KCNN2: variants seen among roughly 807,000 people sequenced by gnomAD.
KCNN2 encodes potassium calcium-activated channel subfamily N member 2, also known as small conductance calcium-activated potassium channel protein 2.
In KCNN2, 24 loss-of-function variants were observed where a neutral mutation model predicts 55.5. That is an observed-to-expected ratio of 0.43 (90% CI 0.31 to 0.61). The LOEUF is 0.61. Ranked by LOEUF, KCNN2 falls within the 20% of genes least tolerant of loss-of-function variation. The pLI, the probability that KCNN2 is intolerant of heterozygous loss-of-function variation, is 0.08. For synonymous variants in KCNN2, 431 were observed against 336.1 expected, an observed-to-expected ratio of 1.28 and a Z score of -3.09; for missense variants, 754 against 853.6, an observed-to-expected ratio of 0.88 and a Z score of 1.45.
intron 2 of KCNN2, among the ~76,000 whole-genome samples, chr5:114,291,203 T>A (rs1157496575): frequency 1.1e-4 from 8 of 70,860 alleles, no homozygotes; most frequent in Non-Finnish European, 2.6e-4. Context: ...TTTATTATTA[T>A]TATACTTTAA....
At chr5:114,265,483 A>C (rs1355550985) in intron 2 of KCNN2, among the ~76,000 whole-genome samples, 2 of 152,124 alleles carry the variant, frequency 1.3e-5, no homozygotes, top group Admixed American at 6.6e-5. Flanking sequence ...TTCCTATCTG[A>C]AAGGTGACAG....
At position 114,249,248 on chromosome 5, in the gene KCNN2, C is replaced by T. The variant is rs367584261; in HGVS notation, c.-185+27683C>T. On this transcript the variant is annotated intron_variant, in intron 2 of 10. Transcript: ENST00000512097. ...TGTGAAGAACGTAAACATGGTATCA[C>T]GAAAGTTCTCAGTATATTTCTTTTT... is the stretch of plus-strand genomic sequence containing the variant. 2.5e-4 allele frequency among the ~76,000 whole-genome samples: 37 copies of T among 150,730 alleles called. No homozygotes were observed. In the South Asian group the frequency reaches 5.9e-3, roughly 24 times the overall value.
chr5:114,079,109 C>A (rs1405006215), intron 1 of KCNN2, among the ~76,000 whole-genome samples: 1 of 151,998 alleles, frequency 6.6e-6, no homozygotes, highest in African/African-American at 2.4e-5. Context: ...TTTGTAAAAA[C>A]CTATACAGAG....
intron 2 of KCNN2, among the ~76,000 whole-genome samples, chr5:114,263,142 G>A (rs986892733): frequency 6.6e-6 from 1 of 152,046 alleles, no homozygotes; most frequent in Non-Finnish European, 1.5e-5. Flanking sequence ...TATGGCTCTT[G>A]GTGAGCATGT....
chr5:114,425,020 A>G (rs1192997308), intron 3 of KCNN2, among the ~76,000 whole-genome samples: 1 of 152,216 alleles, frequency 6.6e-6, no homozygotes, highest in Non-Finnish European at 1.5e-5. Context: ...GGCTCAAGTC[A>G]CAGAAAGGGA....
intron 2 of KCNN2, among the ~76,000 whole-genome samples, chr5:114,307,925 C>T (rs898387178): frequency 6.6e-6 from 1 of 151,984 alleles, no homozygotes; most frequent in African/African-American, 2.4e-5. Context: ...CAGCTTGATT[C>T]CTCCCCATAC....
chr5:114,315,224 A>G (rs778016083), intron 2 of KCNN2, among the ~76,000 whole-genome samples: 2 of 152,140 alleles, frequency 1.3e-5, no homozygotes, highest in African/African-American at 4.8e-5. Flanking sequence ...AAACTATTAT[A>G]CCTGGTGAAT....
chr5:114,390,633 A>G (rs1758424591), intron 2 of KCNN2, among the ~76,000 whole-genome samples: 1 of 152,158 alleles, frequency 6.6e-6, no homozygotes, highest in Non-Finnish European at 1.5e-5. Flanking sequence ...CTGCAGTTAC[A>G]GAGCTCATCA....
At chr5:114,468,485 A>G (rs1761557274) in intron 4 of KCNN2, among the ~76,000 whole-genome samples, 1 of 152,198 alleles carries the variant, frequency 6.6e-6, no homozygotes. Flanking sequence ...ATTTTTACAT[A>G]AAAGCGTGAT....
At chr5:114,186,304 A>G (rs769083102) in intron 1 of KCNN2, among the ~76,000 whole-genome samples, 87 of 152,190 alleles carry the variant, frequency 5.7e-4, no homozygotes, top group Non-Finnish European at 1.2e-4. Flanking sequence ...TTGTTGAATC[A>G]TATTTGAAAG....
chr5:114,080,806 A>G (rs1750797515), intron 1 of KCNN2, among the ~76,000 whole-genome samples: 1 of 152,156 alleles, frequency 6.6e-6, no homozygotes, highest in African/African-American at 2.4e-5. Context: ...CTTCTATTCA[A>G]CATAGTATTT....
At chr5:114,251,780 C>T (rs577332425) in intron 2 of KCNN2, among the ~76,000 whole-genome samples, 1 of 147,704 alleles carries the variant, frequency 6.8e-6, no homozygotes, top group African/African-American at 2.5e-5. Flanking sequence ...TCTTCTGGAC[C>T]CTGAGTATAT....
At chr5:114,491,779 G>A (rs1747870080) in intron 6 of KCNN2, among the ~76,000 whole-genome samples, 1 of 152,058 alleles carries the variant, frequency 6.6e-6, no homozygotes, top group Admixed American at 6.6e-5. Flanking sequence ...GAGTAAGGAT[G>A]GAATCCACTG....
intron 1 of KCNN2, among the ~76,000 whole-genome samples, chr5:114,215,567 A>G (rs1482182586): frequency 1.3e-5 from 2 of 152,068 alleles, no homozygotes; most frequent in African/African-American, 4.8e-5. Context: ...TCAGGGTAGA[A>G]CCCAAGACAT....
intron 2 of KCNN2, among the ~76,000 whole-genome samples, chr5:114,230,016 G>C (rs937246417): frequency 6.6e-6 from 1 of 152,062 alleles, no homozygotes; most frequent in Admixed American, 6.6e-5. Flanking sequence ...CTGTTAAAAC[G>C]AATAGACCTA....
chr5:114,208,530 C>G (rs992418671), intron 1 of KCNN2, among the ~76,000 whole-genome samples: 2 of 152,174 alleles, frequency 1.3e-5, no homozygotes, highest in African/African-American at 4.8e-5. Flanking sequence ...GTCTTTAGAA[C>G]AGTAGATCTC....
chr5:114,166,024 A>G (rs1203741927), intron 1 of KCNN2, among the ~76,000 whole-genome samples: 1 of 152,104 alleles, frequency 6.6e-6, no homozygotes, highest in African/African-American at 2.4e-5. Flanking sequence ...TCCTCATTTT[A>G]AAAACATTTC....
At chr5:114,106,728 T>C (rs1315403380) in intron 1 of KCNN2, among the ~76,000 whole-genome samples, 1 of 150,388 alleles carries the variant, frequency 6.6e-6, no homozygotes, top group African/African-American at 2.4e-5. Flanking sequence ...ATTTAAAAAT[T>C]AGATTGTCTG....
chr5:114,300,087 C>T (rs1756122290), intron 2 of KCNN2, among the ~76,000 whole-genome samples: 1 of 152,076 alleles, frequency 6.6e-6, no homozygotes. Flanking sequence ...TAGTCAGACG[C>T]TCCTTTCCCT....
Sources: gnomAD v4.1 joint callset for allele counts (sites outside exome capture counted in the v4.1 genomes callset) on GRCh38, gnomAD v4.1.1 for gene constraint, MANE v1.5 for transcripts, NCBI Gene and HGNC (gene_info 2026-07-23, HGNC 2026-07-21) for gene names.